LIN9: variants seen among roughly 807,000 people sequenced by gnomAD.
The protein encoded by LIN9 is lin-9 DREAM MuvB core complex component.
In LIN9, 18 loss-of-function variants were observed where a neutral mutation model predicts 78.0. The ratio of observed to expected loss-of-function variants is 0.23; its 90% confidence interval spans 0.16 to 0.34. The LOEUF (loss-of-function observed/expected upper bound fraction) is 0.34, where lower values mean the gene tolerates loss of function less well. LIN9 is among the 10% of genes least tolerant of loss of function. The probability of loss-of-function intolerance (pLI) is 1.00; values close to 1 mark genes in which losing one functional copy is unlikely to be tolerated. For missense variants in LIN9, 451 were observed against 644.1 expected (o/e 0.70, Z 3.25); for synonymous variants, 192 against 215.2 (o/e 0.89, Z 0.94).
At chr1:226,241,150 C>T (rs1330658423) in intron 11 of LIN9, among the ~76,000 whole-genome samples, 1 of 152,220 alleles carries the variant, frequency 6.6e-6, no homozygotes. Context: ...ACCATTGGTG[C>T]TTCCTGAATT....
At chr1:226,309,298 C>T (rs1663142709), upstream of LIN9, 1 of 1,046,120 alleles carries the variant, frequency 9.6e-7, no homozygotes, top group Non-Finnish European at 1.2e-6. Flanking sequence ...CCGGCTCCGC[C>T]CGCGCCTGCC....
intron 4 of LIN9, among the ~76,000 whole-genome samples, chr1:226,293,922 T>C (rs757000100): frequency 1.3e-5 from 2 of 152,204 alleles, no homozygotes; most frequent in African/African-American, 4.8e-5. Flanking sequence ...CTACAGAACA[T>C]GAACATATTT....
rs529783170 is a variant in LIN9, at chr1:226,254,804, G to A, written c.1039-3885C>T. The stretch of plus-strand genomic sequence containing the variant: ...AGGGTGACTGTAGTCCCAGCTACTC[G>A]GGAGGCTGAGGCAGAAGAATGGCGT... On this transcript the variant is annotated intron_variant, in intron 10 of 14. Transcript: ENST00000681046. Among the ~76,000 whole-genome samples, 214 of 151,724 alleles carry A rather than the reference G, an allele frequency of 1.4e-3. 1 individual carries two copies. Among genetic ancestry groups the A allele is most frequent in the African/African-American group, 4.7e-3 (193 of 41,350 alleles).
intron 8 of LIN9, among the ~76,000 whole-genome samples, chr1:226,267,236 T>TAG (rs1336019434): frequency 6.9e-6 from 1 of 145,778 alleles, no homozygotes; most frequent in East Asian, 2.0e-4. Flanking sequence ...AGGAGATATA[T>TAG]ATATATATAT....
rs1387153668 is a variant in LIN9 at position 226,232,297 on chromosome 1, T to C, written c.*204A>G. On this transcript the variant is annotated 3_prime_UTR_variant, in exon 15 of 15. Coordinates refer to ENST00000681046, the MANE Select transcript of LIN9 (RefSeq NM_001366245.2). Reference sequence around the variant, plus strand: ...ATGTAACATAAGCAATGCTACTGCATCTGAATAATAAAAGAAAAATAAATA... The same window carrying C: ...ATGTAACATAAGCAATGCTACTGCACCTGAATAATAAAAGAAAAATAAATA... 1 of 413,500 alleles carries C rather than the reference T, an allele frequency of 2.4e-6. No homozygotes were observed. The highest frequency in any genetic ancestry group is 1.1e-4 in the South Asian group (1 of 9,244). 25.6% of individuals were successfully genotyped at this position (413,500 alleles called of 1,614,324 possible).
intron 10 of LIN9, among the ~76,000 whole-genome samples, chr1:226,252,599 TG>T (rs1658905827): frequency 2.0e-5 from 3 of 152,294 alleles, no homozygotes; most frequent in African/African-American, 7.2e-5. Flanking sequence ...CTGAAAAATC[TG>T]AATACCAACT....
intron 13 of LIN9, 49 bp downstream of exon 13, chr1:226,233,295 C>A: frequency 6.5e-7 from 1 of 1,531,306 alleles, no homozygotes. Flanking sequence ...AACAAATTAG[C>A]GTGGGTTGCT....
At chr1:226,309,251 C>CCGG (rs1306108225), upstream of LIN9, 5 of 1,296,092 alleles carry the variant, frequency 3.9e-6, no homozygotes, top group Non-Finnish European at 5.0e-6. Flanking sequence ...CGCGGCGCCG[C>CCGG]GCTGCGCTGC....
intron 1 of LIN9, among the ~76,000 whole-genome samples, chr1:226,304,114 T>C (rs968274455): frequency 6.6e-6 from 1 of 152,264 alleles, no homozygotes; most frequent in Non-Finnish European, 1.5e-5. Flanking sequence ...ACAATGCATA[T>C]ATTACACAGT....
chr1:226,296,408 C>T (rs1662151104), intron 3 of LIN9, among the ~76,000 whole-genome samples: 1 of 152,056 alleles, frequency 6.6e-6, no homozygotes, highest in African/African-American at 2.4e-5. Context: ...TATCTGCTGT[C>T]AAAAATTGTT....
chr1:226,295,361 A>T (rs918362581), intron 4 of LIN9, among the ~76,000 whole-genome samples: 6 of 152,004 alleles, frequency 3.9e-5, no homozygotes, highest in African/African-American at 1.4e-4. Context: ...AGGCAGGAGA[A>T]TCATTTGAAC....
chr1:226,243,073 G>T (rs550008083), intron 11 of LIN9, among the ~76,000 whole-genome samples: 1 of 152,314 alleles, frequency 6.6e-6, no homozygotes, highest in East Asian at 1.9e-4. Flanking sequence ...GCGGATTTTT[G>T]ACTGCTGGCG....
chr1:226,251,817 T>A (rs1013999366), intron 10 of LIN9, among the ~76,000 whole-genome samples: 34 of 152,276 alleles, frequency 2.2e-4, no homozygotes, highest in African/African-American at 8.2e-4. Flanking sequence ...GTAAGAACAA[T>A]AACTGAAATG....
upstream of LIN9, chr1:226,309,467 C>A (rs982399134): frequency 9.1e-7 from 1 of 1,100,870 alleles, no homozygotes; most frequent in South Asian, 2.0e-5. Context: ...GCCCGGGCCC[C>A]GCTCCCGGCG....
Position 226,286,357 on chromosome 1 carries a change from C to G in LIN9, c.500G>C (p.Arg167Pro). Residue 167 changes from arginine (R) to proline (P), a missense_variant, in exon 6 of 15, where the codon CGG becomes CCG. Transcript: ENST00000681046. ...CCTCCGTGGTTTTCCCATAAGCCGCCGAATTTTTCCCCATTCTACTCTTGT... is the reference window on the plus strand; with the variant it reads ...CCTCCGTGGTTTTCCCATAAGCCGCGGAATTTTTCCCCATTCTACTCTTGT... ...KLTRVEWGKI[R>P]RLMGKPRRCS... 1 of 1,610,754 alleles carries G rather than the reference C, an allele frequency of 6.2e-7. No individual in the cohort carries two copies. Among genetic ancestry groups the G allele is most frequent in the Non-Finnish European group, 8.5e-7 (1 of 1,179,230 alleles).
chr1:226,237,943 A>C (rs1285745326), intron 12 of LIN9, among the ~76,000 whole-genome samples: 1 of 118,128 alleles, frequency 8.5e-6, no homozygotes. Flanking sequence ...ACAGAGTAAG[A>C]CTCTGTCTCA....
chr1:226,309,473 C>A, upstream of LIN9: 1 of 1,103,978 alleles, frequency 9.1e-7, no homozygotes, highest in Non-Finnish European at 1.1e-6. Flanking sequence ...GCCCCGCTCC[C>A]GGCGCATGTT....
At position 226,233,650 on chromosome 1, in the gene LIN9, TTACC is replaced by T. The variant is rs550676742; in HGVS notation, c.1246-131_1246-128del. 52 of 553,540 alleles carry T rather than the reference TTACC, an allele frequency of 9.4e-5. 1 individual carries two copies. The East Asian group carries it at 1.6e-3, about 17-fold the overall frequency. 34.3% of individuals were successfully genotyped at this position (553,540 alleles called of 1,614,324 possible). A position where few individuals can be genotyped will look rare whatever the true frequency, so the allele number is the denominator to read the frequency against. On this transcript the variant is annotated intron_variant, in intron 12 of 14. Coordinates refer to ENST00000681046, the MANE Select transcript of LIN9 (RefSeq NM_001366245.2). ...AGCATTTAAAACTAAAGTGGTACTC[TTACC>T]TTAGAAGTTTTTTTCCTTTAACAGT...
chr1:226,257,684 A>T (rs1025436056), intron 10 of LIN9, among the ~76,000 whole-genome samples: 2 of 152,214 alleles, frequency 1.3e-5, no homozygotes, highest in East Asian at 3.8e-4. Flanking sequence ...CCTATATGCT[A>T]AGAAAGCAGA....
Sources: allele counts gnomAD v4.1 joint callset (sites outside exome capture counted in the v4.1 genomes callset), GRCh38; gene constraint gnomAD v4.1.1; transcripts MANE v1.5; gene names NCBI Gene and HGNC (gene_info 2026-07-23, HGNC 2026-07-21).